The following RIPOR3 variants were observed in gnomAD, a reference collection of about 807,000 sequenced individuals.
RIPOR3 encodes RIPOR family member 3, also known as family with sequence similarity 65 member C.
RIPOR3 carries 95 observed loss-of-function variants against 114.3 expected under a neutral mutation model. The observed-to-expected ratio is 0.83, with a 90% confidence interval of 0.70 to 0.99. The LOEUF (loss-of-function observed/expected upper bound fraction) is 0.99. RIPOR3 is among the 50% of genes least tolerant of loss of function. The probability of loss-of-function intolerance (pLI) is 0.00; values close to 1 mark genes in which losing one functional copy is unlikely to be tolerated. For synonymous variants in RIPOR3, 575 were observed against 543.8 expected (o/e 1.06, Z -0.80); for missense variants, 1,252 against 1,266.9 (o/e 0.99, Z 0.18).
At chr20:50,627,830 TTCAA>T (rs1202371564) in intron 2 of RIPOR3, among the ~76,000 whole-genome samples, 7 of 152,072 alleles carry the variant, frequency 4.6e-5, no homozygotes, top group Non-Finnish European at 7.4e-5. Flanking sequence ...CAGCAGAGCG[TTCAA>T]TCAAAGTACA....
intron 20 of RIPOR3, 117 bp from the exon 21 acceptor site, chr20:50,588,009 C>A: frequency 2.2e-6 from 2 of 919,120 alleles, no homozygotes; most frequent in Non-Finnish European, 3.3e-6. Context: ...TCAGCCCCTT[C>A]CTTTTCTCCA....
chr20:50,598,022 C>T (rs575161161), intron 13 of RIPOR3, among the ~76,000 whole-genome samples: 153 of 152,348 alleles, frequency 1.0e-3, no homozygotes, highest in Middle Eastern at 3.4e-3. Context: ...TGAGCTGCCC[C>T]AGCGGGGACC....
Position 50,601,209 on chromosome 20 carries a change from G to A in RIPOR3, c.1659+863C>T, listed in dbSNP as rs574960541. Among the ~76,000 whole-genome samples the A allele has an allele frequency of 2.1e-3, 325 of 152,284 alleles. 1 individual carries two copies. The highest frequency in any genetic ancestry group is 6.8e-3 in the Middle Eastern group (2 of 294). On this transcript the variant is annotated intron_variant, in intron 13 of 21. Transcript: ENST00000327979. ...GGCACTTTGGGAGGCTGAGGCAGGC[G>A]GATCACTTGAGGTCAGGAGTTTGAG...
At chr20:50,623,261 A>T (rs2084488776) in intron 2 of RIPOR3, among the ~76,000 whole-genome samples, 2 of 99,964 alleles carry the variant, frequency 2.0e-5, no homozygotes, top group Admixed American at 9.0e-5. Context: ...ACTCTGCCTT[A>T]AAAAAAAAAA....
At chr20:50,619,630 C>T (rs952726377) in intron 3 of RIPOR3, among the ~76,000 whole-genome samples, 10 of 152,176 alleles carry the variant, frequency 6.6e-5, no homozygotes, top group African/African-American at 2.2e-4. Flanking sequence ...GCCTGTCTGC[C>T]GAGGCCCTCG....
chr20:50,686,520 G>C (rs538257485), intron 1 of RIPOR3, among the ~76,000 whole-genome samples: 1 of 151,948 alleles, frequency 6.6e-6, no homozygotes, highest in Non-Finnish European at 1.5e-5. Flanking sequence ...AGGCCTACGC[G>C]GGTAGATCAC....
chr20:50,668,001 G>A (rs113282328), intron 1 of RIPOR3, among the ~76,000 whole-genome samples: 7 of 152,194 alleles, frequency 4.6e-5, no homozygotes, highest in African/African-American at 1.4e-4. Context: ...CAGTGTCAGC[G>A]TCCATGGCCC....
chr20:50,638,861 G>T (rs1333499321), intron 1 of RIPOR3, among the ~76,000 whole-genome samples: 9 of 152,184 alleles, frequency 5.9e-5, no homozygotes, highest in Non-Finnish European at 1.2e-4. Context: ...AGAGCATTTG[G>T]AGCCTGGAGA....
intron 1 of RIPOR3, among the ~76,000 whole-genome samples, chr20:50,672,308 G>A (rs1443769759): frequency 1.3e-5 from 2 of 152,142 alleles, no homozygotes; most frequent in Non-Finnish European, 2.9e-5. Context: ...GCTACCTCTG[G>A]TCAGAAGCCA....
At chr20:50,647,970 G>A (rs978160030) in intron 1 of RIPOR3, among the ~76,000 whole-genome samples, 2 of 151,972 alleles carry the variant, frequency 1.3e-5, no homozygotes, top group African/African-American at 4.8e-5. Flanking sequence ...ACTTTGTGCT[G>A]CTAAGGTTAA....
chr20:50,593,888 C>G (rs1465942227), intron 17 of RIPOR3, among the ~76,000 whole-genome samples: 1 of 152,010 alleles, frequency 6.6e-6, no homozygotes, highest in South Asian at 2.1e-4. Context: ...TTCTAGATAC[C>G]CTCGTGGGCC....
chr20:50,669,105 T>A (rs2086369277), intron 1 of RIPOR3, among the ~76,000 whole-genome samples: 1 of 151,760 alleles, frequency 6.6e-6, no homozygotes, highest in African/African-American at 2.4e-5. Context: ...CACACACCCA[T>A]ACATGCATGC....
At chr20:50,594,179 G>A (rs1374111146) in intron 17 of RIPOR3, among the ~76,000 whole-genome samples, 1 of 151,928 alleles carries the variant, frequency 6.6e-6, no homozygotes, top group African/African-American at 2.4e-5. Context: ...GGGAGGCTGA[G>A]GCAGAAGAAT....
intron 1 of RIPOR3, among the ~76,000 whole-genome samples, chr20:50,665,833 A>C (rs868493885): frequency 4.6e-5 from 7 of 152,240 alleles, no homozygotes; most frequent in Middle Eastern, 3.4e-3. Context: ...GACTGGTTCA[A>C]CCAAGGAATC....
chr20:50,587,764 G>T lies in RIPOR3; in HGVS notation c.2752+38C>A, dbSNP rs754024328. ...CTCTCGCAGATTCTAAGGGCCCCAG[G>T]CACCCCGCTGCGCTGCACAGTTTGT... On this transcript the variant is annotated intron_variant, in intron 21 of 21. Transcript: ENST00000327979. The T allele has an allele frequency of 1.9e-6, 3 of 1,603,268 alleles. No homozygotes were observed. In the South Asian group the frequency reaches 3.3e-5, roughly 18 times the overall value.
chr20:50,618,284 A>C (rs2123142402), intron 3 of RIPOR3, among the ~76,000 whole-genome samples: 1 of 149,776 alleles, frequency 6.7e-6, no homozygotes, highest in South Asian at 2.1e-4. Context: ...AAAAAAAAAA[A>C]AAAAAAAAAA....
At position 50,608,374 on chromosome 20, in the gene RIPOR3, C is replaced by T; in HGVS notation, c.956+15G>A. 6.2e-7 allele frequency: 1 copy of T among 1,613,708 alleles called. No homozygotes were observed. The highest frequency in any genetic ancestry group is 1.7e-5 in the Admixed American group (1 of 60,008). ...CAGCCAGGCCTCCGCTCTCCCCAGGCTGGACGGGACTCACTTCCACTGCAC... is the reference window on the plus strand; with the variant it reads ...CAGCCAGGCCTCCGCTCTCCCCAGGTTGGACGGGACTCACTTCCACTGCAC... On this transcript the variant is annotated intron_variant, in intron 11 of 21. Coordinates refer to ENST00000327979, the MANE Select transcript of RIPOR3 (RefSeq NM_001290268.2).
intron 1 of RIPOR3, among the ~76,000 whole-genome samples, chr20:50,684,366 G>A (rs1417581589): frequency 1.3e-5 from 2 of 152,202 alleles, no homozygotes; most frequent in Non-Finnish European, 2.9e-5. Context: ...AGAGAAAAGC[G>A]ATTGCAAAGG....
At chr20:50,593,850 C>T (rs2083193699) in intron 17 of RIPOR3, among the ~76,000 whole-genome samples, 1 of 152,148 alleles carries the variant, frequency 6.6e-6, no homozygotes, top group African/African-American at 2.4e-5. Flanking sequence ...AAGGCAAATT[C>T]TGGGGAAGAA....
Sources: gnomAD v4.1 joint callset for allele counts (sites outside exome capture counted in the v4.1 genomes callset) on GRCh38, gnomAD v4.1.1 for gene constraint, MANE v1.5 for transcripts, NCBI Gene and HGNC (gene_info 2026-07-23, HGNC 2026-07-21) for gene names.